Variants in MATN2 observed in about 807,000 individuals in gnomAD.
The protein encoded by MATN2 is matrilin-2.
A neutral mutation model predicts 103.2 loss-of-function variants in MATN2; 69 were observed. The ratio of observed to expected loss-of-function variants is 0.67; its 90% CI spans 0.55 to 0.82. The LOEUF is 0.82. Ranked by LOEUF, MATN2 falls within the 40% of genes least tolerant of loss-of-function variation. MATN2 has a pLI of 0.00. For missense variants in MATN2, 1,023 were observed against 1,211.5 expected, an observed-to-expected ratio of 0.84 and a Z score of 2.31; for synonymous variants, 429 against 450.2, an observed-to-expected ratio of 0.95 and a Z score of 0.60.
Position 97,896,952 on chromosome 8 carries a change from G to A in MATN2, c.142+8710G>A, listed in dbSNP as rs532389040. On this transcript the variant is annotated intron_variant, in intron 2 of 18. Transcript: ENST00000254898. ...CAGTGGGATCAGGCAACACAGTAGG[G>A]CTGGGCATTGGGATATGGCAACATG... Among the ~76,000 whole-genome samples, 15 of 151,740 alleles carry A rather than the reference G, an allele frequency of 9.9e-5. No individual in the cohort carries two copies. In the South Asian group the frequency reaches 2.9e-3, roughly 30 times the overall value.
At chr8:97,927,448 C>T (rs886292571) in intron 2 of MATN2, among the ~76,000 whole-genome samples, 8 of 152,200 alleles carry the variant, frequency 5.3e-5, no homozygotes. Flanking sequence ...GCATGAGCCA[C>T]TGTGCATTTG....
At chr8:97,901,004 G>A (rs1428305440) in intron 2 of MATN2, among the ~76,000 whole-genome samples, 2 of 152,102 alleles carry the variant, frequency 1.3e-5, no homozygotes, top group African/African-American at 4.8e-5. Flanking sequence ...AGTGAAAGAT[G>A]AGGAATCCTT....
intron 14 of MATN2, among the ~76,000 whole-genome samples, chr8:98,028,593 C>A (rs986549021): frequency 6.8e-6 from 1 of 146,758 alleles, no homozygotes; most frequent in Non-Finnish European, 1.5e-5. Flanking sequence ...TTGAAAACTG[C>A]TTTTTTTTTT....
At chr8:98,003,246 C>T (rs766863568) in intron 7 of MATN2, among the ~76,000 whole-genome samples, 1 of 152,162 alleles carries the variant, frequency 6.6e-6, no homozygotes, top group Admixed American at 6.5e-5. Flanking sequence ...TTGCTGTCCT[C>T]GAGTCCTCAT....
intron 10 of MATN2, among the ~76,000 whole-genome samples, chr8:98,012,264 C>G (rs1302240194): frequency 6.6e-6 from 1 of 152,138 alleles, no homozygotes; most frequent in African/African-American, 2.4e-5. Context: ...TGTGCCCTGA[C>G]AGTGTTTAAA....
At chr8:97,916,863 C>T (rs969027877) in intron 2 of MATN2, among the ~76,000 whole-genome samples, 8 of 152,196 alleles carry the variant, frequency 5.3e-5, no homozygotes, top group African/African-American at 1.9e-4. Context: ...TGTTGAACCT[C>T]ATATGACGTC....
chr8:98,031,003 T>C (rs1813996242), intron 15 of MATN2, among the ~76,000 whole-genome samples: 1 of 152,026 alleles, frequency 6.6e-6, no homozygotes, highest in African/African-American at 2.4e-5. Context: ...CAAAAAAAAG[T>C]GTCTCCTTCA....
intron 14 of MATN2, 87 bp from the exon 15 acceptor site, chr8:98,030,374 TA>T: frequency 1.0e-6 from 1 of 982,376 alleles, no homozygotes; most frequent in Non-Finnish European, 1.5e-6. Context: ...ACTTAACATC[TA>T]ACTGGCTTTG....
At chr8:97,952,013 A>T (rs1318192707) in intron 4 of MATN2, 1 of 152,208 alleles carries the variant, frequency 6.6e-6, no homozygotes, top group Non-Finnish European at 1.5e-5. Context: ...TGACTCATTT[A>T]CCATTGGAAG....
At chr8:97,916,195 A>G (rs996739200) in intron 2 of MATN2, among the ~76,000 whole-genome samples, 1 of 151,834 alleles carries the variant, frequency 6.6e-6, no homozygotes, top group African/African-American at 2.4e-5. Context: ...TCAGCGTCCC[A>G]AGTAGCTGGA....
intron 13 of MATN2, among the ~76,000 whole-genome samples, chr8:98,023,930 T>A (rs1192694267): frequency 6.6e-6 from 1 of 152,104 alleles, no homozygotes; most frequent in African/African-American, 2.4e-5. Context: ...CTCAGCAAAC[T>A]AACACAGAAA....
In MATN2 at chr8:98,027,567, G is replaced by A; in HGVS notation, c.2094G>A (p.Gln698=). The A allele has an allele frequency of 6.2e-7, 1 of 1,613,910 alleles. No individual in the cohort carries two copies. Among genetic ancestry groups the A allele is most frequent in the Non-Finnish European group, 8.5e-7 (1 of 1,179,880 alleles). ...AAGCCGCTCGAGTGGGGCTGCTCCAGTATTCCACACAGGTCCACACAGAGT... is the reference window on the plus strand; with the variant it reads ...AAGCCGCTCGAGTGGGGCTGCTCCAATATTCCACACAGGTCCACACAGAGT... ...SPKAARVGLL[Q]YSTQVHTEFT... The change falls in exon 14 of 19, where the codon CAG becomes CAA. Residue 698 remains glutamine, a synonymous_variant. Coordinates refer to ENST00000254898, the MANE Select transcript of MATN2 (RefSeq NM_002380.5).
In MATN2 at chr8:98,005,472, C is replaced by G. The variant is rs1812936907; in HGVS notation, c.1328-1633C>G. ...ACCTGGCTGAGCCCACGCAGATCAC[C>G]AGGGACATGGCTTGACTGCCCCTCC... On this transcript the variant is annotated intron_variant, in intron 8 of 18. Coordinates refer to ENST00000254898, the MANE Select transcript of MATN2 (RefSeq NM_002380.5). The surrounding 1 kb of genome is among the most constrained non-coding windows in gnomAD (Gnocchi z 4.6). Among the ~76,000 whole-genome samples, 2 of 152,128 alleles carry G rather than the reference C, an allele frequency of 1.3e-5. No homozygotes were observed. Among genetic ancestry groups the G allele is most frequent in the African/African-American group, 4.8e-5 (2 of 41,424 alleles).
chr8:98,007,220 C>T lies in MATN2; in HGVS notation c.1443C>T (p.Thr481=), dbSNP rs752047829. The T allele has an allele frequency of 6.2e-7, 1 of 1,613,940 alleles. No homozygotes were observed. The change falls in exon 9 of 19, where the codon ACC becomes ACT. Residue 481 remains threonine (T), a synonymous_variant. Coordinates refer to ENST00000254898, the MANE Select transcript of MATN2 (RefSeq NM_002380.5). This position sits in a 1 kb window ranked among gnomAD's most constrained non-coding sequence, Gnocchi z 4.2. ...TCCTCATCAACGAGGACCTCAAGACCTGCTCCCGTGAGTCCCTCCGCGCTC... is the reference window on the plus strand; with the variant it reads ...TCCTCATCAACGAGGACCTCAAGACTTGCTCCCGTGAGTCCCTCCGCGCTC... ...EGFLINEDLK[T]CSRVDYCLLS...
chr8:97,881,636 A>C (rs4077920), intron 1 of MATN2, among the ~76,000 whole-genome samples: 128,240 of 152,162 alleles, frequency 0.84, 54,866 homozygotes, highest in Non-Finnish European at 0.93. Context: ...CTCAGCACAG[A>C]AATTCTTCTC....
intron 5 of MATN2, among the ~76,000 whole-genome samples, chr8:97,974,444 T>TTTTTG (rs1208258388): frequency 1.4e-5 from 2 of 147,414 alleles, no homozygotes; most frequent in Non-Finnish European, 1.5e-5. Flanking sequence ...TTGTTTTGTT[T>TTTTTG]TTTTGTTTTG....
At chr8:98,015,734 TTGTC>T (rs1813336798) in intron 10 of MATN2, among the ~76,000 whole-genome samples, 1 of 152,186 alleles carries the variant, frequency 6.6e-6, no homozygotes, top group Admixed American at 6.5e-5. Flanking sequence ...TATCACATAT[TTGTC>T]TGTTTTCCAC....
rs1813008235 is a variant in MATN2 at position 98,007,333 on chromosome 8, T to A, written c.1450+106T>A. 6.4e-7 allele frequency: 1 copy of A among 1,566,400 alleles called. No individual in the cohort carries two copies. The highest frequency in any genetic ancestry group is 1.2e-5 in the South Asian group (1 of 86,326). On this transcript the variant is annotated intron_variant, in intron 9 of 18. Transcript: ENST00000254898. The surrounding 1 kb of genome is among the most constrained non-coding windows in gnomAD (Gnocchi z 4.2). Reference sequence around the variant, plus strand: ...TACTTGGGCACCCCTCCCCTGCCCCTTGCTCTGCTCCAGGAGATAGTGAGG... The same window carrying A: ...TACTTGGGCACCCCTCCCCTGCCCCATGCTCTGCTCCAGGAGATAGTGAGG...
At chr8:97,907,209 C>A (rs951944737) in intron 2 of MATN2, among the ~76,000 whole-genome samples, 5 of 151,714 alleles carry the variant, frequency 3.3e-5, no homozygotes, top group Non-Finnish European at 7.4e-5. Flanking sequence ...CCATGTTGGC[C>A]AGGCTGATCT....
Sources: gnomAD v4.1 joint callset for allele counts (sites outside exome capture counted in the v4.1 genomes callset) on GRCh38, gnomAD v4.1.1 for gene constraint, Gnocchi (gnomAD v3.1) non-coding constraint, MANE v1.5 for transcripts, NCBI Gene and HGNC (gene_info 2026-07-23, HGNC 2026-07-21) for gene names.